The following DENND2B variants were observed in gnomAD, a reference collection of about 807,000 sequenced individuals.
DENND2B encodes the protein DENN domain-containing protein 2B.
Under a neutral mutation model 116.0 loss-of-function variants are expected in DENND2B, and 32 were observed. That is an observed-to-expected ratio of 0.28 (90% CI 0.21 to 0.37). DENND2B has a LOEUF of 0.37. Ranked by LOEUF, DENND2B falls within the 10% of genes least tolerant of loss-of-function variation. DENND2B has a pLI of 1.00. For missense variants in DENND2B, 1,276 were observed against 1,477.7 expected, an observed-to-expected ratio of 0.86 and a Z score of 2.24; for synonymous variants, 588 against 583.9, an observed-to-expected ratio of 1.01 and a Z score of -0.10.
At chr11:8,867,241 C>T (rs1243542041) in intron 2 of DENND2B, among the ~76,000 whole-genome samples, 2 of 152,190 alleles carry the variant, frequency 1.3e-5, no homozygotes, top group African/African-American at 4.8e-5. Flanking sequence ...CCACCCACTG[C>T]TGCCCTTCCT....
chr11:8,887,962 A>T (rs1172587359), intron 1 of DENND2B, among the ~76,000 whole-genome samples: 1 of 152,188 alleles, frequency 6.6e-6, no homozygotes, highest in Non-Finnish European at 1.5e-5. Flanking sequence ...AGAAAAAAAT[A>T]AACTTTGTGT....
intron 11 of DENND2B, among the ~76,000 whole-genome samples, chr11:8,708,677 C>T (rs935864611): frequency 2.0e-5 from 3 of 152,140 alleles, no homozygotes; most frequent in Admixed American, 6.6e-5. Context: ...CATGGCCAGG[C>T]GCGGTGGCTC....
intron 2 of DENND2B, among the ~76,000 whole-genome samples, chr11:8,735,135 T>C (rs2048792931): frequency 6.6e-6 from 1 of 151,440 alleles, no homozygotes; most frequent in African/African-American, 2.4e-5. Context: ...TTGAGTATAA[T>C]ACAATGTGGC....
At chr11:8,909,141 G>C (rs535079539) in intron 1 of DENND2B, among the ~76,000 whole-genome samples, 1 of 152,306 alleles carries the variant, frequency 6.6e-6, no homozygotes, top group South Asian at 2.1e-4. Context: ...ATGAGGAAAA[G>C]TGAGGCTCAA....
At chr11:8,741,250 A>G (rs1462498468) in intron 2 of DENND2B, among the ~76,000 whole-genome samples, 1 of 152,208 alleles carries the variant, frequency 6.6e-6, no homozygotes, top group Non-Finnish European at 1.5e-5. Context: ...AGCACATCTA[A>G]GAATCTATGG....
chr11:8,754,029 G>GCGCGCGCGCGCACA (rs146486674), intron 1 of DENND2B, among the ~76,000 whole-genome samples: 6 of 138,736 alleles, frequency 4.3e-5, no homozygotes, highest in African/African-American at 1.6e-4. Context: ...CCAAAAGCGC[G>GCGCGCGCGCGCACA]CACACACACA....
intron 1 of DENND2B, among the ~76,000 whole-genome samples, chr11:8,884,668 A>G (rs1357679160): frequency 6.6e-6 from 1 of 152,192 alleles, no homozygotes; most frequent in Admixed American, 6.5e-5. Flanking sequence ...AATGGAGCAA[A>G]GTCACCAATT....
Position 8,707,890 on chromosome 11 carries a change from A to T in DENND2B, c.2353-36T>A. The T allele has an allele frequency of 1.3e-6, 2 of 1,588,224 alleles. No individual in the cohort carries two copies. The highest frequency in any genetic ancestry group is 1.7e-6 in the Non-Finnish European group (2 of 1,167,540). ...ACAAGGAGGAGGAGGAGAGAGACAG[A>T]CACAGAGAATGCATGATTACCATTT... On this transcript the variant is annotated intron_variant, in intron 11 of 19. Transcript: ENST00000313726. This position sits in a 1 kb window ranked among gnomAD's most constrained non-coding sequence, Gnocchi z 4.8.
chr11:8,793,542 T>C (rs1289083751), intron 1 of DENND2B, among the ~76,000 whole-genome samples: 2 of 152,390 alleles, frequency 1.3e-5, no homozygotes, highest in African/African-American at 2.4e-5. Context: ...AGCTGAAGAA[T>C]AGTCCACAGT....
At chr11:8,756,987 C>CA (rs1408057761) in intron 1 of DENND2B, 7 of 454,812 alleles carry the variant, frequency 1.5e-5, no homozygotes, top group Admixed American at 4.7e-5. Flanking sequence ...ACAGCTCTGA[C>CA]AAATTATAGA....
At chr11:8,877,536 T>C (rs2063857602) in intron 2 of DENND2B, 1 of 152,188 alleles carries the variant, frequency 6.6e-6, no homozygotes, top group South Asian at 2.1e-4. Flanking sequence ...AATTTTTTAT[T>C]GGAAGAAATT....
chr11:8,869,198 A>C (rs2063689123), intron 2 of DENND2B, among the ~76,000 whole-genome samples: 1 of 152,188 alleles, frequency 6.6e-6, no homozygotes, highest in African/African-American at 2.4e-5. Flanking sequence ...CTAATTACCA[A>C]GCCAATCCAA....
At chr11:8,806,329 G>C (rs2060832813) in intron 1 of DENND2B, among the ~76,000 whole-genome samples, 1 of 152,170 alleles carries the variant, frequency 6.6e-6, no homozygotes. Flanking sequence ...GGAGCTTTGA[G>C]AAACTGTGGT....
intron 2 of DENND2B, among the ~76,000 whole-genome samples, chr11:8,741,882 T>C (rs1352447889): frequency 6.6e-6 from 1 of 151,670 alleles, no homozygotes; most frequent in Non-Finnish European, 1.5e-5. Context: ...ACCACAAGCC[T>C]TGAAGTCTTT....
chr11:8,784,425 A>AAT (rs2058696587), intron 1 of DENND2B: 1 of 139,148 alleles, frequency 7.2e-6, no homozygotes. Flanking sequence ...AGACCCAGTA[A>AAT]CAAAAAAAAA....
intron 2 of DENND2B, among the ~76,000 whole-genome samples, chr11:8,878,492 C>T (rs1393730522): frequency 6.6e-6 from 1 of 151,858 alleles, no homozygotes; most frequent in Non-Finnish European, 1.5e-5. Flanking sequence ...TGGGTTCAAG[C>T]AGTTCTCCTG....
intron 17 of DENND2B, among the ~76,000 whole-genome samples, 188 bp downstream of exon 17, chr11:8,697,337 G>A (rs1030286780): frequency 5.3e-5 from 8 of 152,278 alleles, no homozygotes; most frequent in Non-Finnish European, 1.0e-4. Context: ...TATCTTTGGG[G>A]TTGCCACATG....
intron 3 of DENND2B, among the ~76,000 whole-genome samples, chr11:8,727,566 C>A (rs1358381932): frequency 5.9e-5 from 9 of 152,198 alleles, no homozygotes; most frequent in African/African-American, 2.4e-5. Context: ...TCTGCACTTT[C>A]TAGGGACCAA....
In DENND2B at chr11:8,766,201, G is replaced by C. The variant is rs563033084; in HGVS notation, c.-25-15476C>G. On this transcript the variant is annotated intron_variant, in intron 1 of 19. Transcript: ENST00000313726. Reference sequence around the variant, plus strand: ...TTCATGGAGCCAAGAGGAGTTCCCAGGGCAGGCCCAACCCAGCCCCAGAAG... The same window carrying C: ...TTCATGGAGCCAAGAGGAGTTCCCACGGCAGGCCCAACCCAGCCCCAGAAG... 2.6e-5 allele frequency among the ~76,000 whole-genome samples: 4 copies of C among 152,238 alleles called. No homozygotes were observed. The South Asian group carries it at 8.3e-4, about 32-fold the overall frequency.
Sources: gnomAD v4.1 joint callset for allele counts (sites outside exome capture counted in the v4.1 genomes callset) on GRCh38, gnomAD v4.1.1 for gene constraint, Gnocchi (gnomAD v3.1) non-coding constraint, MANE v1.5 for transcripts, NCBI Gene and HGNC (gene_info 2026-07-23, HGNC 2026-07-21) for gene names.